Variants in MOB4 observed in about 807,000 individuals in gnomAD.
MOB4 encodes MOB family member 4, phocein.
A neutral mutation model predicts 32.2 loss-of-function variants in MOB4; 4 were observed. That is an observed-to-expected ratio of 0.12 (90% CI 0.06 to 0.28). The LOEUF (loss-of-function observed/expected upper bound fraction) is 0.28. Ranked by LOEUF, MOB4 falls within the 10% of genes least tolerant of loss-of-function variation. The probability of loss-of-function intolerance (pLI) is 1.00; values close to 1 mark genes in which losing one functional copy is unlikely to be tolerated. For synonymous variants in MOB4, 88 were observed against 88.1 expected, an observed-to-expected ratio of 1.00 and a Z score of 0.01; for missense variants, 158 against 271.2, an observed-to-expected ratio of 0.58 and a Z score of 2.93.
chr2:197,536,840 C>A lies in MOB4; in HGVS notation c.224+1210C>A, dbSNP rs187407226. Among the ~76,000 whole-genome samples, 1,287 of 151,952 alleles carry A rather than the reference C, an allele frequency of 8.5e-3. 9 individuals carry two copies. Among genetic ancestry groups the A allele is most frequent in the Non-Finnish European group, 0.011 (728 of 67,974 alleles). On this transcript the variant is annotated intron_variant, in intron 3 of 7. Transcript: ENST00000323303. ...CTCGAACTCCTGACCTCATGATCTGCCCGCCTCAGCCTCCCAAAGTGCTGG... is the reference window on the plus strand; with the variant it reads ...CTCGAACTCCTGACCTCATGATCTGACCGCCTCAGCCTCCCAAAGTGCTGG...
intron 2 of MOB4, among the ~76,000 whole-genome samples, chr2:197,532,635 G>A (rs958087595): frequency 6.6e-6 from 1 of 152,028 alleles, no homozygotes; most frequent in Non-Finnish European, 1.5e-5. Flanking sequence ...GCAGTGAGCC[G>A]AGATAGCGCC....
At chr2:197,524,530 C>CAA (rs58552334) in intron 2 of MOB4, among the ~76,000 whole-genome samples, 19 of 108,960 alleles carry the variant, frequency 1.7e-4, no homozygotes, top group South Asian at 2.9e-4. Context: ...GACTCTGTCT[C>CAA]AAAAAAAAAA....
intron 5 of MOB4, 39 bp downstream of exon 5, chr2:197,540,476 A>G (rs184936568): frequency 9.1e-5 from 139 of 1,522,330 alleles, no homozygotes; most frequent in South Asian, 3.5e-4. Context: ...TAAAATTATT[A>G]TAGCCTAAAT....
chr2:197,526,462 G>T (rs562605476), intron 2 of MOB4, among the ~76,000 whole-genome samples: 1 of 151,982 alleles, frequency 6.6e-6, no homozygotes, highest in Non-Finnish European at 1.5e-5. Context: ...GATTACAGGC[G>T]CCCGCCCCTG....
chr2:197,533,163 G>C (rs2086736572), intron 2 of MOB4, among the ~76,000 whole-genome samples: 1 of 152,102 alleles, frequency 6.6e-6, no homozygotes, highest in Middle Eastern at 3.2e-3. Flanking sequence ...AAAATGAATA[G>C]ACAGATTGCT....
intron 3 of MOB4, among the ~76,000 whole-genome samples, chr2:197,536,299 GCTGAAGCAATC>G (rs1455995794): frequency 6.6e-6 from 1 of 152,020 alleles, no homozygotes; most frequent in African/African-American, 2.4e-5. Flanking sequence ...TGTCTCCCAT[GCTGAAGCAATC>G]CTCCCACCTC....
intron 3 of MOB4, among the ~76,000 whole-genome samples, chr2:197,537,865 C>T (rs560103599): frequency 1.2e-4 from 18 of 151,478 alleles, no homozygotes; most frequent in South Asian, 4.2e-4. Context: ...TTGCAACCTC[C>T]GCCACATGGG....
intron 5 of MOB4, among the ~76,000 whole-genome samples, chr2:197,541,507 A>T (rs2086894455): frequency 6.6e-6 from 1 of 152,242 alleles, no homozygotes; most frequent in African/African-American, 2.4e-5. Flanking sequence ...TTTGTTTCAA[A>T]AAGGACAAAT....
At chr2:197,530,019 G>C (rs902844129) in intron 2 of MOB4, among the ~76,000 whole-genome samples, 1 of 151,946 alleles carries the variant, frequency 6.6e-6, no homozygotes, top group Admixed American at 6.6e-5. Context: ...TCCCAGGCTG[G>C]AGTGCAGTGG....
At chr2:197,523,860 T>G (rs566826097) in intron 2 of MOB4, among the ~76,000 whole-genome samples, 174 bp downstream of exon 2, 1 of 152,246 alleles carries the variant, frequency 6.6e-6, no homozygotes, top group Admixed American at 6.5e-5. Context: ...CCTAAGCATT[T>G]TACCTCTGAC....
chr2:197,547,146 G>A (rs1192666993), intron 5 of MOB4, among the ~76,000 whole-genome samples: 1 of 152,064 alleles, frequency 6.6e-6, no homozygotes, highest in South Asian at 2.1e-4. Flanking sequence ...GTGGATCATT[G>A]TAAAGGTCTT....
intron 1 of MOB4, 163 bp downstream of exon 1, chr2:197,516,309 T>G (rs1357672056): frequency 1.4e-5 from 20 of 1,432,206 alleles, no homozygotes; most frequent in Non-Finnish European, 1.8e-5. Context: ...TCAATTTGGC[T>G]GAGGCGGTGG....
chr2:197,542,687 C>T (rs1256926321), intron 5 of MOB4, among the ~76,000 whole-genome samples: 1 of 152,120 alleles, frequency 6.6e-6, no homozygotes, highest in Non-Finnish European at 1.5e-5. Flanking sequence ...CTTGCAGTAG[C>T]ATTATGATTA....
chr2:197,542,300 TG>T (rs1173560469), intron 5 of MOB4, among the ~76,000 whole-genome samples: 1 of 152,246 alleles, frequency 6.6e-6, no homozygotes, highest in Non-Finnish European at 1.5e-5. Flanking sequence ...TCTGTTGAAC[TG>T]GCCATGTGTC....
intron 2 of MOB4, among the ~76,000 whole-genome samples, chr2:197,529,475 C>T (rs967185837): frequency 3.3e-5 from 5 of 151,980 alleles, no homozygotes; most frequent in Admixed American, 3.3e-4. Flanking sequence ...CCTCAGCCTC[C>T]CCAGTAGCTG....
intron 1 of MOB4, among the ~76,000 whole-genome samples, chr2:197,521,733 G>A (rs555014917): frequency 5.3e-4 from 80 of 152,308 alleles, no homozygotes; most frequent in African/African-American, 1.9e-3. Context: ...TTTGAAAGAA[G>A]AGAAATATGG....
intron 1 of MOB4, among the ~76,000 whole-genome samples, chr2:197,522,124 C>T (rs540475149): frequency 8.5e-5 from 13 of 152,206 alleles, no homozygotes; most frequent in Middle Eastern, 3.4e-3. Context: ...ATTCTTCTGC[C>T]GTGGTTTCAG....
chr2:197,547,404 T>C (rs1311492149), intron 5 of MOB4, among the ~76,000 whole-genome samples: 3 of 152,232 alleles, frequency 2.0e-5, no homozygotes, highest in Non-Finnish European at 4.4e-5. Flanking sequence ...AACTCATCTG[T>C]GGTCATATAT....
chr2:197,537,240 A>G (rs992909763), intron 3 of MOB4, among the ~76,000 whole-genome samples: 4 of 152,220 alleles, frequency 2.6e-5, no homozygotes, highest in Admixed American at 2.6e-4. Flanking sequence ...AGGTGGAGAT[A>G]ACATTAAAAG....
Sources: allele counts gnomAD v4.1 joint callset (sites outside exome capture counted in the v4.1 genomes callset), GRCh38; gene constraint gnomAD v4.1.1; transcripts MANE v1.5; gene names NCBI Gene and HGNC (gene_info 2026-07-23, HGNC 2026-07-21).